Variants in MAGI2 observed in about 807,000 individuals in gnomAD.
MAGI2 encodes membrane associated guanylate kinase, WW and PDZ domain containing 2, also known as membrane-associated guanylate kinase, WW and PDZ domain-containing protein 2.
Under a neutral mutation model 133.3 loss-of-function variants are expected in MAGI2, and 35 were observed. The ratio of observed to expected loss-of-function variants is 0.26; its 90% CI spans 0.20 to 0.35. MAGI2 has a LOEUF of 0.35. MAGI2 is among the 10% of genes least tolerant of loss of function. The pLI is 1.00. For synonymous variants in MAGI2, 729 were observed against 710.6 expected (o/e 1.03, Z -0.41); for missense variants, 1,636 against 1,863.4 (o/e 0.88, Z 2.25).
intron 2 of MAGI2, among the ~76,000 whole-genome samples, chr7:78,814,215 C>A (rs145964112): frequency 2.6e-5 from 4 of 152,104 alleles, no homozygotes; most frequent in African/African-American, 4.8e-5. Context: ...GGAGTTTATG[C>A]CTTTGTGTTT....
At chr7:79,387,338 C>T (rs1425643760) in intron 1 of MAGI2, among the ~76,000 whole-genome samples, 2 of 152,004 alleles carry the variant, frequency 1.3e-5, no homozygotes, top group African/African-American at 4.8e-5. Flanking sequence ...ACCTCTGATT[C>T]TTCCTAAGGC....
intron 6 of MAGI2, among the ~76,000 whole-genome samples, chr7:78,397,950 A>G (rs1796511517): frequency 6.6e-6 from 1 of 152,160 alleles, no homozygotes; most frequent in Non-Finnish European, 1.5e-5. Context: ...TGGTAACACT[A>G]TAGAGTAGCA....
intron 6 of MAGI2, among the ~76,000 whole-genome samples, chr7:78,488,633 G>A (rs1434538650): frequency 1.3e-5 from 2 of 151,998 alleles, no homozygotes; most frequent in African/African-American, 4.8e-5. Flanking sequence ...ACTGCATACA[G>A]TTGTACTATT....
intron 1 of MAGI2, among the ~76,000 whole-genome samples, chr7:79,416,462 G>T (rs1307019883): frequency 6.6e-6 from 1 of 151,974 alleles, no homozygotes; most frequent in African/African-American, 2.4e-5. Context: ...ATGGACCAAG[G>T]ATGTGAAATT....
At chr7:78,603,930 G>A (rs1805493996) in intron 3 of MAGI2, among the ~76,000 whole-genome samples, 1 of 152,184 alleles carries the variant, frequency 6.6e-6, no homozygotes, top group African/African-American at 2.4e-5. Flanking sequence ...CTGTGGTAGG[G>A]ACCAGAATTA....
At chr7:78,812,569 C>A (rs974914987) in intron 2 of MAGI2, among the ~76,000 whole-genome samples, 1 of 137,514 alleles carries the variant, frequency 7.3e-6, no homozygotes, top group Non-Finnish European at 1.5e-5. Context: ...CAGTTATCTA[C>A]CTACATATAT....
intron 7 of MAGI2, among the ~76,000 whole-genome samples, chr7:78,352,480 T>C (rs1791618703): frequency 6.6e-6 from 1 of 152,234 alleles, no homozygotes; most frequent in South Asian, 2.1e-4. Flanking sequence ...ATTCTAACAC[T>C]TAAGTGATAA....
At chr7:78,640,979 T>C (rs1028498330) in intron 2 of MAGI2, among the ~76,000 whole-genome samples, 2 of 152,164 alleles carry the variant, frequency 1.3e-5, no homozygotes, top group Non-Finnish European at 2.9e-5. Flanking sequence ...CAAGGGCAGT[T>C]TCCCCCATCC....
At chr7:79,061,706 C>A (rs1813760848) in intron 1 of MAGI2, among the ~76,000 whole-genome samples, 1 of 152,032 alleles carries the variant, frequency 6.6e-6, no homozygotes. Flanking sequence ...ACTGCTACTG[C>A]AGTAAAGAGA....
intron 1 of MAGI2, among the ~76,000 whole-genome samples, chr7:79,195,337 T>C (rs1166228595): frequency 6.6e-6 from 1 of 152,034 alleles, no homozygotes. Context: ...TAATGACAAT[T>C]AACTGTGGTT....
chr7:78,481,002 C>T (rs80083188), intron 6 of MAGI2, among the ~76,000 whole-genome samples: 4,354 of 151,920 alleles, frequency 0.029, 167 homozygotes, highest in Admixed American at 0.11. Flanking sequence ...TCAACTTAAT[C>T]TGGAGGTTTA....
chr7:78,675,272 TTGTTGA>T (rs1444582540), intron 2 of MAGI2, among the ~76,000 whole-genome samples: 3 of 145,128 alleles, frequency 2.1e-5, no homozygotes, highest in African/African-American at 7.4e-5. Context: ...GTTGTTGTTG[TTGTTGA>T]TGTATTGTGT....
At chr7:79,040,318 G>T (rs1173749327) in intron 1 of MAGI2, among the ~76,000 whole-genome samples, 1 of 152,004 alleles carries the variant, frequency 6.6e-6, no homozygotes, top group Non-Finnish European at 1.5e-5. Context: ...TGAACTGTGA[G>T]TCAATTAAAC....
intron 6 of MAGI2, among the ~76,000 whole-genome samples, chr7:78,425,980 C>T (rs975172715): frequency 2.0e-5 from 3 of 152,018 alleles, no homozygotes; most frequent in African/African-American, 7.2e-5. Flanking sequence ...AAATTGTGAC[C>T]TGTAGTTAAG....
At chr7:79,014,312 T>G (rs1808468364) in intron 1 of MAGI2, among the ~76,000 whole-genome samples, 1 of 152,144 alleles carries the variant, frequency 6.6e-6, no homozygotes, top group African/African-American at 2.4e-5. Flanking sequence ...TTATGATATT[T>G]CCTTCCATTG....
intron 20 of MAGI2, among the ~76,000 whole-genome samples, chr7:78,094,391 T>C (rs1817517717): frequency 6.6e-6 from 1 of 152,222 alleles, no homozygotes; most frequent in African/African-American, 2.4e-5. Flanking sequence ...CCCTCAAACC[T>C]GCCTGAATTC....
intron 3 of MAGI2, chr7:78,617,777 C>T (rs1807265313): frequency 6.6e-6 from 1 of 151,836 alleles, no homozygotes; most frequent in Non-Finnish European, 1.5e-5. Context: ...TTCATAAAAC[C>T]ATCTACATCT....
At chr7:78,311,251 GAA>G (rs1798677567) in intron 9 of MAGI2, among the ~76,000 whole-genome samples, 1 of 152,168 alleles carries the variant, frequency 6.6e-6, no homozygotes, top group Non-Finnish European at 1.5e-5. Flanking sequence ...GTAGAAAGAT[GAA>G]AAAGAAACCA....
chr7:78,222,556 A>G (rs1382512273), intron 10 of MAGI2, among the ~76,000 whole-genome samples: 1 of 152,208 alleles, frequency 6.6e-6, no homozygotes, highest in Non-Finnish European at 1.5e-5. Flanking sequence ...ACTAGGTGGC[A>G]GAGCTAGGAT....
Sources: allele counts gnomAD v4.1 joint callset (sites outside exome capture counted in the v4.1 genomes callset), GRCh38; gene constraint gnomAD v4.1.1; transcripts MANE v1.5; gene names NCBI Gene and HGNC (gene_info 2026-07-23, HGNC 2026-07-21).